Variants in SAAL1 observed in about 807,000 individuals in gnomAD.
SAAL1 encodes the protein serum amyloid A like 1.
Under a neutral mutation model 59.8 loss-of-function variants are expected in SAAL1, and 42 were observed. That is an observed-to-expected ratio of 0.70 (90% CI 0.55 to 0.91). The LOEUF is 0.91. Among genes scored for constraint, SAAL1 ranks in the 40% least tolerant of loss-of-function variants. SAAL1 has a pLI of 0.00. For synonymous variants in SAAL1, 191 were observed against 194.3 expected (o/e 0.98, Z 0.14); for missense variants, 542 against 561.1 (o/e 0.97, Z 0.34).
In SAAL1 at chr11:18,081,483, T is replaced by C; in HGVS notation, c.1260A>G (p.Val420=). 1.9e-6 allele frequency: 3 copies of C among 1,614,062 alleles called. No individual in the cohort carries two copies. The highest frequency in any genetic ancestry group is 8.5e-7 in the Non-Finnish European group (1 of 1,179,948). Residue 420 remains valine, a synonymous_variant, in exon 11 of 12, where the codon GTA becomes GTG. Transcript: ENST00000524803. ...TCTGTTTGCTCAACTGGCCTTCCTT[T>C]ACTCCCTGAGCCACCGTCTCCTAAA... is the stretch of plus-strand genomic sequence containing the variant. ...ALTKETVAQG[V]KEGQLSKQKC... is the part of the protein sequence containing the mutation.
chr11:18,103,332 T>C lies in SAAL1; in HGVS notation c.150A>G (p.Glu50=), dbSNP rs763052080. The part of the protein sequence containing the change: ...LSGLIQIVSP[E]NTKSSSDDEE... ...CATCATCTGAGCTAGATTTGGTGTT[T>C]TCAGGGCTAACAATCTTCAGAAACA... The change falls in exon 2 of 12, where the codon GAA becomes GAG. Residue 50 remains glutamate (E), a synonymous_variant. Coordinates refer to ENST00000524803, the MANE Select transcript of SAAL1 (RefSeq NM_138421.3). 1.9e-6 allele frequency: 3 copies of C among 1,613,152 alleles called. No individual in the cohort carries two copies. The highest frequency in any genetic ancestry group is 2.5e-6 in the Non-Finnish European group (3 of 1,179,340).
intron 9 of SAAL1, among the ~76,000 whole-genome samples, chr11:18,084,861 G>A (rs1341628068): frequency 6.6e-6 from 1 of 152,244 alleles, no homozygotes; most frequent in South Asian, 2.1e-4. Flanking sequence ...TGCCTCCCAG[G>A]TTCGAGCAAC....
intron 11 of SAAL1, 122 bp from the exon 12 acceptor site, chr11:18,080,613 AGAT>A: frequency 3.4e-6 from 2 of 596,446 alleles, no homozygotes; most frequent in Non-Finnish European, 5.8e-6. Context: ...GCAGATCTCC[AGAT>A]GATAGTAACA....
chr11:18,092,138 A>C, intron 4 of SAAL1, 107 bp downstream of exon 4: 1 of 616,978 alleles, frequency 1.6e-6, no homozygotes, highest in Non-Finnish European at 2.8e-6. Context: ...GTTCATCAAG[A>C]CAAAGAAAGG....
At chr11:18,081,379 T>C (rs778792660) in intron 11 of SAAL1, 32 bp downstream of exon 11, 113 of 1,460,158 alleles carry the variant, frequency 7.7e-5, no homozygotes, top group Non-Finnish European at 1.0e-4. Context: ...CCTACAAAAC[T>C]TGGCCACCTA....
intron 5 of SAAL1, 35 bp from the exon 6 acceptor site, chr11:18,090,325 C>CAA (rs747670128): frequency 4.0e-3 from 5,107 of 1,274,638 alleles, no homozygotes; most frequent in South Asian, 0.011. Flanking sequence ...TTCTACTTTT[C>CAA]AAAAAAAAAA....
intron 4 of SAAL1, among the ~76,000 whole-genome samples, chr11:18,091,401 T>C (rs1848522357): frequency 6.6e-6 from 1 of 152,184 alleles, no homozygotes; most frequent in Non-Finnish European, 1.5e-5. Context: ...CCAAACATAA[T>C]CTTAAGTCAT....
rs564689403 is a variant in SAAL1 at position 18,083,457 on chromosome 11, T to TA, written c.1239+77dup. On this transcript the variant is annotated intron_variant, in intron 10 of 11. Transcript: ENST00000524803. ...CCAAATTATATATTACTTTCATATTTAAAAAAAAATAAAGTTTGAAGCGTT... is the reference window on the plus strand; with the variant it reads ...CCAAATTATATATTACTTTCATATTTAAAAAAAAAATAAAGTTTGAAGCGTT... The TA allele has an allele frequency of 4.0e-4, 295 of 735,342 alleles. 1 individual carries two copies. Among genetic ancestry groups the TA allele is most frequent in the African/African-American group, 2.2e-3 (124 of 56,476 alleles). 45.6% of individuals were successfully genotyped at this position (735,342 alleles called of 1,614,324 possible).
chr11:18,082,559 G>C (rs1007465572), intron 10 of SAAL1, among the ~76,000 whole-genome samples: 1 of 145,676 alleles, frequency 6.9e-6, no homozygotes, highest in South Asian at 2.1e-4. Context: ...CCCCAAATCT[G>C]GAAAATACAA....
At chr11:18,085,788 T>C (rs961530060) in intron 9 of SAAL1, among the ~76,000 whole-genome samples, 2 of 152,140 alleles carry the variant, frequency 1.3e-5, no homozygotes, top group Non-Finnish European at 2.9e-5. Context: ...TTCAAATCAG[T>C]GTGGGTAAGC....
intron 3 of SAAL1, among the ~76,000 whole-genome samples, chr11:18,092,858 G>T (rs1404881266): frequency 3.3e-5 from 5 of 152,190 alleles, no homozygotes; most frequent in African/African-American, 4.8e-5. Flanking sequence ...ACAACATACT[G>T]AAACAGTATC....
At position 18,106,070 on chromosome 11, in the gene SAAL1, C is replaced by T. The variant is rs375744355; in HGVS notation, c.-29G>A. On this transcript the variant is annotated 5_prime_UTR_variant, in exon 1 of 12. Coordinates refer to ENST00000524803, the MANE Select transcript of SAAL1 (RefSeq NM_138421.3). ...TTTGTCGCGTCCCGCGCTTGAAGGC[C>T]GTGCCGGAAGCTGCGGAGGAGACGA... 2.9e-4 allele frequency: 465 copies of T among 1,581,880 alleles called. No individual in the cohort carries two copies. Among genetic ancestry groups the T allele is most frequent in the Non-Finnish European group, 3.9e-4 (454 of 1,171,108 alleles).
intron 10 of SAAL1, 200 bp from the exon 11 acceptor site, chr11:18,081,703 C>A: frequency 1.8e-6 from 1 of 567,314 alleles, no homozygotes; most frequent in Admixed American, 3.0e-5. Flanking sequence ...TGAAGGGCAC[C>A]ACCATCCACC....
intron 2 of SAAL1, among the ~76,000 whole-genome samples, chr11:18,101,261 C>A (rs187082699): frequency 3.5e-4 from 53 of 152,234 alleles, no homozygotes; most frequent in African/African-American, 1.1e-3. Context: ...CCGTATGATC[C>A]AGCCATGCCA....
intron 4 of SAAL1, 166 bp from the exon 5 acceptor site, chr11:18,090,659 G>C: frequency 1.4e-6 from 1 of 707,770 alleles, no homozygotes; most frequent in South Asian, 2.5e-5. Context: ...GCAAACACTC[G>C]TGTTTCCAAG....
intron 9 of SAAL1, among the ~76,000 whole-genome samples, chr11:18,085,023 C>T (rs1848448388): frequency 6.6e-6 from 1 of 152,154 alleles, no homozygotes; most frequent in African/African-American, 2.4e-5. Context: ...GCCTCAGCCT[C>T]CCAAAGTGCT....
chr11:18,080,800 G>T (rs568107133), intron 11 of SAAL1, among the ~76,000 whole-genome samples: 2 of 152,204 alleles, frequency 1.3e-5, no homozygotes, highest in African/African-American at 4.8e-5. Context: ...TCTAATGGTA[G>T]GAAATGTGAT....
intron 2 of SAAL1, among the ~76,000 whole-genome samples, chr11:18,097,336 G>A (rs1487118314): frequency 6.6e-6 from 1 of 151,248 alleles, no homozygotes; most frequent in Non-Finnish European, 1.5e-5. Context: ...TGATGTTAGA[G>A]AGTCTTTATG....
At position 18,102,247 on chromosome 11, in the gene SAAL1, T is replaced by C. The variant is rs756765790; in HGVS notation, c.249+986A>G. Among the ~76,000 whole-genome samples, 4 of 151,972 alleles carry C rather than the reference T, an allele frequency of 2.6e-5. No individual in the cohort carries two copies. The East Asian group carries it at 7.8e-4, about 29-fold the overall frequency. On this transcript the variant is annotated intron_variant, in intron 2 of 11. Transcript: ENST00000524803. Reference sequence around the variant, plus strand: ...TAAAACCCTGTCTCCACTAAAAATATAAAAATTCGCAGGGATTGGTGGCTC... The same window carrying C: ...TAAAACCCTGTCTCCACTAAAAATACAAAAATTCGCAGGGATTGGTGGCTC...
Sources: allele counts gnomAD v4.1 joint callset (sites outside exome capture counted in the v4.1 genomes callset), GRCh38; gene constraint gnomAD v4.1.1; transcripts MANE v1.5; gene names NCBI Gene and HGNC (gene_info 2026-07-23, HGNC 2026-07-21).